The following LNX1 variants were observed in gnomAD, a reference collection of about 807,000 sequenced individuals.
LNX1 encodes the protein ligand of numb-protein X 1.
In LNX1, 54 loss-of-function variants were observed where a neutral mutation model predicts 68.4. The ratio of observed to expected loss-of-function variants is 0.79; its 90% confidence interval spans 0.63 to 0.99. The LOEUF is 0.99. Among genes scored for constraint, LNX1 ranks in the 50% least tolerant of loss-of-function variants. The pLI, the probability that LNX1 is intolerant of heterozygous loss-of-function variation, is 0.00. For missense variants in LNX1, 906 were observed against 926.4 expected (o/e 0.98, Z 0.29); for synonymous variants, 336 against 350.0 (o/e 0.96, Z 0.45).
intron 2 of LNX1, among the ~76,000 whole-genome samples, chr4:53,540,846 T>C (rs1475689189): frequency 6.6e-6 from 1 of 151,988 alleles, no homozygotes; most frequent in African/African-American, 2.4e-5. Context: ...TAAAAATAAA[T>C]GGCAGGAGAG....
intron 6 of LNX1, among the ~76,000 whole-genome samples, chr4:53,483,909 ATGTTAAAATCCTAACC>A (rs1163775067): frequency 6.6e-6 from 1 of 152,202 alleles, no homozygotes; most frequent in East Asian, 1.9e-4. Flanking sequence ...CAAAATTCAG[ATGTTAAAATCCTAACC>A]CACAACACGG....
chr4:53,492,506 T>TGAGAGAGAGAGAAAGAGAGAGA (rs1724751779), intron 6 of LNX1, among the ~76,000 whole-genome samples: 1 of 88,942 alleles, frequency 1.1e-5, no homozygotes, highest in Admixed American at 1.5e-4. Flanking sequence ...CAGAGGGCTC[T>TGAGAGAGAGAGAAAGAGAGAGA]GAGAGAGAGA....
chr4:53,460,805 T>G lies in LNX1; in HGVS notation c.*102A>C. On this transcript the variant is annotated 3_prime_UTR_variant, in exon 11 of 11. Transcript: ENST00000263925. ...CATACTTTTCCTGACATTTTTACAA[T>G]GTATTCTTTCTTTAAATATAAAAAC... 7 of 1,157,172 alleles carry G rather than the reference T, an allele frequency of 6.0e-6. No homozygotes were observed. The highest frequency in any genetic ancestry group is 8.6e-6 in the Non-Finnish European group (7 of 812,262). 71.7% of individuals were successfully genotyped at this position (1,157,172 alleles called of 1,614,324 possible). A position where few individuals can be genotyped will look rare whatever the true frequency, so the allele number is the denominator to read the frequency against.
chr4:53,493,671 C>G (rs1197897534), intron 6 of LNX1, among the ~76,000 whole-genome samples: 1 of 152,238 alleles, frequency 6.6e-6, no homozygotes, highest in Non-Finnish European at 1.5e-5. Context: ...AGCAAACAGT[C>G]TTTTGATGAT....
chr4:53,566,289 C>A (rs907765702), intron 2 of LNX1, among the ~76,000 whole-genome samples: 1 of 151,418 alleles, frequency 6.6e-6, no homozygotes, highest in Non-Finnish European at 1.5e-5. Flanking sequence ...ATCAGACTAA[C>A]AGCGGATCTC....
At chr4:53,481,477 C>T (rs1723909118) in intron 7 of LNX1, among the ~76,000 whole-genome samples, 1 of 152,190 alleles carries the variant, frequency 6.6e-6, no homozygotes, top group Non-Finnish European at 1.5e-5. Context: ...AATCAGGTCC[C>T]TGTATGAGGT....
chr4:53,472,688 AAAAAAAAAAAAC>A (rs1723299106), intron 9 of LNX1, among the ~76,000 whole-genome samples: 1 of 122,272 alleles, frequency 8.2e-6, no homozygotes, highest in Admixed American at 8.3e-5. Context: ...ACAACAACAA[AAAAAAAAAAAAC>A]AAAAAACAAT....
chr4:53,467,103 G>A lies in LNX1; in HGVS notation c.1893-5510C>T, dbSNP rs189823612. Among the ~76,000 whole-genome samples, 726 of 152,222 alleles carry A rather than the reference G, an allele frequency of 4.8e-3. 3 individuals are homozygous for A. Among genetic ancestry groups the A allele is most frequent in the Non-Finnish European group, 6.9e-3 (469 of 67,996 alleles). Reference sequence around the variant, plus strand: ...CTGGGAGGCACCCCCCAGTAGGGGCGGACTGACACCTCACATGGCTGGGTA... The same window carrying A: ...CTGGGAGGCACCCCCCAGTAGGGGCAGACTGACACCTCACATGGCTGGGTA... On this transcript the variant is annotated intron_variant, in intron 9 of 10. Coordinates refer to ENST00000263925, the MANE Select transcript of LNX1 (RefSeq NM_001126328.3).
At chr4:53,506,147 C>A (rs1398530747) in intron 4 of LNX1, among the ~76,000 whole-genome samples, 1 of 152,156 alleles carries the variant, frequency 6.6e-6, no homozygotes, top group Non-Finnish European at 1.5e-5. Context: ...GGCTCTGGAA[C>A]CAGAGGACCT....
chr4:53,635,538 A>T (rs1241127567), intron 1 of LNX1, among the ~76,000 whole-genome samples: 10 of 152,140 alleles, frequency 6.6e-5, no homozygotes, highest in Admixed American at 6.6e-4. Flanking sequence ...AATTATTTTA[A>T]TATTATTATA....
intron 2 of LNX1, among the ~76,000 whole-genome samples, chr4:53,608,554 A>T (rs527474873): frequency 2.6e-5 from 4 of 152,290 alleles, no homozygotes; most frequent in African/African-American, 9.6e-5. Flanking sequence ...AGCAGTGTGG[A>T]GATTTCTCAC....
At chr4:53,574,542 G>C (rs1381455320) in intron 1 of LNX1, among the ~76,000 whole-genome samples, 2 of 152,146 alleles carry the variant, frequency 1.3e-5, no homozygotes, top group Non-Finnish European at 2.9e-5. Flanking sequence ...TAGGAGATCA[G>C]AGCTTTCAAC....
intron 2 of LNX1, among the ~76,000 whole-genome samples, chr4:53,561,285 TG>T (rs1730267826): frequency 6.6e-6 from 1 of 152,102 alleles, no homozygotes; most frequent in Non-Finnish European, 1.5e-5. Context: ...TGGAGTGCAA[TG>T]GGGCGATCTT....
At chr4:53,609,038 C>A (rs183216021) in intron 2 of LNX1, among the ~76,000 whole-genome samples, 14 of 152,166 alleles carry the variant, frequency 9.2e-5, no homozygotes, top group Admixed American at 7.9e-4. Flanking sequence ...ACCAAAACAG[C>A]GTGGTACTGG....
chr4:53,462,115 T>TAGAG (rs1446061876), intron 9 of LNX1, among the ~76,000 whole-genome samples: 5 of 152,052 alleles, frequency 3.3e-5, no homozygotes, highest in Non-Finnish European at 7.4e-5. Flanking sequence ...TGATAAGTCA[T>TAGAG]AGAGAAGCAT....
At chr4:53,533,916 C>T (rs897664173) in intron 2 of LNX1, among the ~76,000 whole-genome samples, 1 of 152,202 alleles carries the variant, frequency 6.6e-6, no homozygotes, top group Non-Finnish European at 1.5e-5. Flanking sequence ...TATTCCAGTG[C>T]ACGCTAAGGT....
chr4:53,490,691 G>T (rs1277854574), intron 6 of LNX1, among the ~76,000 whole-genome samples: 5 of 152,198 alleles, frequency 3.3e-5, no homozygotes, highest in Admixed American at 6.5e-5. Flanking sequence ...TCTTTGTAAG[G>T]CAAATGTGAT....
chr4:53,592,957 A>T (rs1236762149), upstream of LNX1: 1 of 152,202 alleles, frequency 6.6e-6, no homozygotes, highest in Non-Finnish European at 1.5e-5. Context: ...CGCCCCAGAC[A>T]GGTCTAAGCT....
intron 2 of LNX1, among the ~76,000 whole-genome samples, chr4:53,570,916 A>G (rs1373712100): frequency 2.0e-5 from 3 of 150,866 alleles, no homozygotes; most frequent in Non-Finnish European, 4.4e-5. Context: ...AGTCCCAACT[A>G]CTCTGGAGGC....
Sources: gnomAD v4.1 joint callset for allele counts (sites outside exome capture counted in the v4.1 genomes callset) on GRCh38, gnomAD v4.1.1 for gene constraint, MANE v1.5 for transcripts, NCBI Gene and HGNC (gene_info 2026-07-23, HGNC 2026-07-21) for gene names.